The following MICU2 variants were observed in gnomAD, a reference collection of about 807,000 sequenced individuals.
The protein encoded by MICU2 is calcium uptake protein 2, mitochondrial.
A neutral mutation model predicts 60.4 loss-of-function variants in MICU2; 64 were observed. The observed-to-expected ratio is 1.06, with a 90% CI of 0.87 to 1.31. The LOEUF (loss-of-function observed/expected upper bound fraction) is 1.31. Among genes scored for constraint, MICU2 ranks in the 50% most tolerant of loss-of-function variants. MICU2 has a pLI of 0.00. For synonymous variants in MICU2, 201 were observed against 175.0 expected (o/e 1.15, Z -1.17); for missense variants, 569 against 531.0 (o/e 1.07, Z -0.70).
intron 1 of MICU2, among the ~76,000 whole-genome samples, chr13:21,567,767 C>T (rs1383737813): frequency 6.6e-6 from 1 of 152,166 alleles, no homozygotes; most frequent in Non-Finnish European, 1.5e-5. Flanking sequence ...CAAGTATTCA[C>T]ATAGATTATT....
intron 9 of MICU2, among the ~76,000 whole-genome samples, chr13:21,501,191 T>C (rs1000401321): frequency 1.3e-5 from 2 of 152,222 alleles, no homozygotes; most frequent in African/African-American, 4.8e-5. Flanking sequence ...GTCAAATTCA[T>C]TGTCAGTAAC....
chr13:21,544,504 C>A (rs1349417423), intron 2 of MICU2, among the ~76,000 whole-genome samples: 2 of 35,036 alleles, frequency 5.7e-5, no homozygotes, highest in African/African-American at 1.0e-4. Context: ...ACAAAATGAC[C>A]AATAAACACA....
At chr13:21,596,913 T>C (rs1888707114) in intron 1 of MICU2, among the ~76,000 whole-genome samples, 1 of 152,236 alleles carries the variant, frequency 6.6e-6, no homozygotes, top group South Asian at 2.1e-4. Context: ...ATTAATATAG[T>C]TGGTTTTTGC....
At chr13:21,518,270 A>C (rs2138160848) in intron 6 of MICU2, among the ~76,000 whole-genome samples, 1 of 152,328 alleles carries the variant, frequency 6.6e-6, no homozygotes, top group Middle Eastern at 3.4e-3. Flanking sequence ...CTGTATGGTA[A>C]AAGGCGCATC....
chr13:21,498,369 CTTTTTTTTTTTTTTTT>C (rs34890922), intron 9 of MICU2, among the ~76,000 whole-genome samples: 15 of 78,564 alleles, frequency 1.9e-4, no homozygotes, highest in African/African-American at 5.7e-4. Flanking sequence ...ATATCCTATT[CTTTTTTTTTTTTTTTT>C]TTTTTTTTTT....
intron 4 of MICU2, among the ~76,000 whole-genome samples, chr13:21,537,402 A>T (rs559495732): frequency 6.6e-6 from 1 of 152,046 alleles, no homozygotes; most frequent in African/African-American, 2.4e-5. Flanking sequence ...TCCATATCCC[A>T]GAAGCTACTT....
chr13:21,554,893 T>G (rs1021687877), intron 2 of MICU2, among the ~76,000 whole-genome samples: 3 of 152,116 alleles, frequency 2.0e-5, no homozygotes, highest in African/African-American at 7.2e-5. Flanking sequence ...TATAAACACC[T>G]CTACGCAAAT....
At chr13:21,565,860 T>C (rs776669606) in intron 2 of MICU2, among the ~76,000 whole-genome samples, 12 of 152,068 alleles carry the variant, frequency 7.9e-5, no homozygotes, top group Non-Finnish European at 5.9e-5. Flanking sequence ...CCTAAACATA[T>C]TTTTACCACC....
intron 4 of MICU2, among the ~76,000 whole-genome samples, chr13:21,530,161 C>G (rs1414968662): frequency 6.6e-6 from 1 of 152,182 alleles, no homozygotes; most frequent in Non-Finnish European, 1.5e-5. Context: ...CCCTGCCAGT[C>G]CTTTATGAAT....
At chr13:21,561,841 C>T (rs1202868974) in intron 2 of MICU2, among the ~76,000 whole-genome samples, 1 of 141,324 alleles carries the variant, frequency 7.1e-6, no homozygotes, top group African/African-American at 2.6e-5. Context: ...AGGTATATCT[C>T]CTAATGCTAT....
chr13:21,576,888 AT>A (rs373708759), intron 1 of MICU2, among the ~76,000 whole-genome samples: 1 of 152,224 alleles, frequency 6.6e-6, no homozygotes, highest in African/African-American at 2.4e-5. Context: ...ACACAAATAG[AT>A]TTTTTTGAGA....
chr13:21,550,196 A>G (rs900914947), intron 2 of MICU2, among the ~76,000 whole-genome samples: 1 of 152,142 alleles, frequency 6.6e-6, no homozygotes, highest in Non-Finnish European at 1.5e-5. Flanking sequence ...AGCTACACAA[A>G]TTTATTAACT....
chr13:21,497,049 G>A (rs1457823516), intron 9 of MICU2, among the ~76,000 whole-genome samples: 2 of 151,662 alleles, frequency 1.3e-5, no homozygotes, highest in South Asian at 2.1e-4. Flanking sequence ...GCGACAGAGC[G>A]AGACTCTGTC....
intron 2 of MICU2, among the ~76,000 whole-genome samples, chr13:21,545,392 T>G (rs59433597): frequency 0.029 from 4,466 of 152,168 alleles, 91 homozygotes; most frequent in African/African-American, 0.039. Context: ...TAAAAAAAGT[T>G]TATCTCAGCC....
At chr13:21,536,985 T>A (rs1206896802) in intron 4 of MICU2, among the ~76,000 whole-genome samples, 1 of 152,216 alleles carries the variant, frequency 6.6e-6, no homozygotes, top group Non-Finnish European at 1.5e-5. Context: ...AGACACCTAC[T>A]CTATGACCAT....
chr13:21,559,998 T>C (rs1024590989), intron 2 of MICU2, among the ~76,000 whole-genome samples: 3 of 152,236 alleles, frequency 2.0e-5, no homozygotes, highest in Non-Finnish European at 4.4e-5. Flanking sequence ...TTTTTTTGCA[T>C]ACATTTCCTC....
intron 9 of MICU2, among the ~76,000 whole-genome samples, chr13:21,496,870 A>G (rs554363140): frequency 1.3e-5 from 2 of 152,152 alleles, no homozygotes; most frequent in South Asian, 4.1e-4. Flanking sequence ...CCTAGCTAAC[A>G]CCATGAAATC....
intron 4 of MICU2, chr13:21,530,953 A>G: frequency 1.3e-6 from 1 of 768,622 alleles, no homozygotes; most frequent in Non-Finnish European, 2.4e-6. Flanking sequence ...GGTCCAGATC[A>G]TTTACAGTGA....
intron 4 of MICU2, among the ~76,000 whole-genome samples, chr13:21,529,127 G>C (rs1404715867): frequency 6.6e-6 from 1 of 152,156 alleles, no homozygotes; most frequent in African/African-American, 2.4e-5. Flanking sequence ...CTATTCTCTA[G>C]AGGTAGGGAG....
Sources: allele counts gnomAD v4.1 joint callset (sites outside exome capture counted in the v4.1 genomes callset), GRCh38; gene constraint gnomAD v4.1.1; transcripts MANE v1.5; gene names NCBI Gene and HGNC (gene_info 2026-07-23, HGNC 2026-07-21).